Variants in PARD3B observed in about 807,000 individuals in gnomAD.
PARD3B encodes partitioning defective 3 homolog B.
Under a neutral mutation model 130.2 loss-of-function variants are expected in PARD3B, and 103 were observed. The ratio of observed to expected loss-of-function variants is 0.79; its 90% CI spans 0.67 to 0.93. PARD3B has a LOEUF of 0.93. Ranked by LOEUF, PARD3B falls within the 40% of genes least tolerant of loss-of-function variation. PARD3B has a pLI of 0.00. For missense variants in PARD3B, 1,609 were observed against 1,499.2 expected (o/e 1.07, Z -1.21); for synonymous variants, 583 against 553.2 (o/e 1.05, Z -0.76).
Position 205,253,917 on chromosome 2 carries a change from GA to G in PARD3B, c.2185+8096del, listed in dbSNP as rs1331106456. 6.6e-6 allele frequency among the ~76,000 whole-genome samples: 1 copy of G among 152,076 alleles called. No homozygotes were observed. The highest frequency in any genetic ancestry group is 1.9e-4 in the East Asian group (1 of 5,160). Reference sequence around the variant, plus strand: ...AGAAAACAAAAACAAAAACACCACAGAGGTGGTTTGAAAGAAGAGGTTGGGT... The same window carrying G: ...AGAAAACAAAAACAAAAACACCACAGGGTGGTTTGAAAGAAGAGGTTGGGT... On this transcript the variant is annotated intron_variant, in intron 16 of 22. Coordinates refer to ENST00000406610, the MANE Select transcript of PARD3B (RefSeq NM_001302769.2). This position sits in a 1 kb window ranked among gnomAD's most constrained non-coding sequence, Gnocchi z 4.4.
At chr2:205,490,891 T>C (rs1165728145) in intron 20 of PARD3B, among the ~76,000 whole-genome samples, 2 of 152,210 alleles carry the variant, frequency 1.3e-5, no homozygotes, top group Non-Finnish European at 2.9e-5. Context: ...TCATGTGTCT[T>C]TTGGCTGAAT....
At chr2:205,457,195 ATGT>A in intron 20 of PARD3B, among the ~76,000 whole-genome samples, 1 of 152,002 alleles carries the variant, frequency 6.6e-6, no homozygotes, top group Non-Finnish European at 1.5e-5. Context: ...AAATTATATC[ATGT>A]TGTATGAGTT....
chr2:205,387,277 G>T (rs2045694448), intron 18 of PARD3B, among the ~76,000 whole-genome samples: 1 of 152,014 alleles, frequency 6.6e-6, no homozygotes, highest in Admixed American at 6.6e-5. Context: ...CTTCTGATTT[G>T]GGTCCATTAA....
intron 1 of PARD3B, among the ~76,000 whole-genome samples, chr2:204,639,377 G>T (rs1446033468): frequency 2.0e-5 from 3 of 152,040 alleles, no homozygotes; most frequent in African/African-American, 7.2e-5. Flanking sequence ...AATAACTTTT[G>T]TTCAGGTACT....
chr2:204,828,863 A>G (rs975646651), intron 2 of PARD3B, among the ~76,000 whole-genome samples: 1 of 152,158 alleles, frequency 6.6e-6, no homozygotes, highest in Non-Finnish European at 1.5e-5. Flanking sequence ...AATCCTTATC[A>G]TGGAATATGA....
chr2:205,555,557 A>T (rs2052844445), intron 22 of PARD3B, among the ~76,000 whole-genome samples: 1 of 152,246 alleles, frequency 6.6e-6, no homozygotes, highest in Non-Finnish European at 1.5e-5. Context: ...TCTGTCAAAG[A>T]TAATACATTT....
At chr2:204,915,098 C>CT (rs150689992) in intron 2 of PARD3B, among the ~76,000 whole-genome samples, 1 of 152,246 alleles carries the variant, frequency 6.6e-6, no homozygotes, top group Non-Finnish European at 1.5e-5. Flanking sequence ...TACTGTACCT[C>CT]TAAGAGGATG....
chr2:205,613,437 T>C (rs16837479), intron 22 of PARD3B, among the ~76,000 whole-genome samples: 3,294 of 152,310 alleles, frequency 0.022, 130 homozygotes, highest in African/African-American at 0.073. Flanking sequence ...TAAAGAATTC[T>C]TATGATAAAA....
In PARD3B at chr2:205,127,140, T is replaced by A. The variant is rs1287298607; in HGVS notation, c.1434+1403T>A. On this transcript the variant is annotated intron_variant, in intron 10 of 22. Coordinates refer to ENST00000406610, the MANE Select transcript of PARD3B (RefSeq NM_001302769.2). ...GTGAAACCCCGTCTCTACTAAAAAA[T>A]ACAAAAAGTAGCCAGGCATGGTGGC... is the stretch of plus-strand genomic sequence containing the variant. Among the ~76,000 whole-genome samples the A allele has an allele frequency of 6.6e-5, 10 of 151,136 alleles. No homozygotes were observed. In the South Asian group the frequency reaches 1.5e-3, roughly 22 times the overall value.
At chr2:205,239,366 T>C (rs1233937901) in intron 15 of PARD3B, among the ~76,000 whole-genome samples, 2 of 152,204 alleles carry the variant, frequency 1.3e-5, no homozygotes, top group Admixed American at 1.3e-4. Context: ...CCTTCCACTC[T>C]TCCTGAAGCA....
At chr2:205,254,960 G>T (rs542828879) in intron 16 of PARD3B, among the ~76,000 whole-genome samples, 6 of 151,952 alleles carry the variant, frequency 3.9e-5, no homozygotes, top group Non-Finnish European at 8.8e-5. Context: ...CACCGCGCCC[G>T]GCCGAAGTTC....
At chr2:205,012,371 TGATA>T (rs1695784636) in intron 3 of PARD3B, among the ~76,000 whole-genome samples, 2 of 152,166 alleles carry the variant, frequency 1.3e-5, no homozygotes, top group South Asian at 4.1e-4. Flanking sequence ...ATACATATCC[TGATA>T]GATAGTATTT....
At chr2:205,282,338 A>G (rs1406271381) in intron 16 of PARD3B, among the ~76,000 whole-genome samples, 1 of 151,898 alleles carries the variant, frequency 6.6e-6, no homozygotes, top group Non-Finnish European at 1.5e-5. Context: ...GAGCATCCTT[A>G]TACTACCTAT....
At position 205,291,742 on chromosome 2, in the gene PARD3B, T is replaced by G. The variant is rs1273367351; in HGVS notation, c.2186-8788T>G. ...TGTCCATCAAAAAGGAAGCAGAGCTTAAAGACTTAGGTAATTCTCAGCCTA... is the reference window on the plus strand; with the variant it reads ...TGTCCATCAAAAAGGAAGCAGAGCTGAAAGACTTAGGTAATTCTCAGCCTA... On this transcript the variant is annotated intron_variant, in intron 16 of 22. Transcript: ENST00000406610. This position sits in a 1 kb window ranked among gnomAD's most constrained non-coding sequence, Gnocchi z 4.6. 6.6e-6 allele frequency among the ~76,000 whole-genome samples: 1 copy of G among 152,150 alleles called. No homozygotes were observed. The highest frequency in any genetic ancestry group is 1.5e-5 in the Non-Finnish European group (1 of 68,002).
chr2:205,013,281 G>A (rs925539715), intron 3 of PARD3B, among the ~76,000 whole-genome samples: 16 of 152,084 alleles, frequency 1.1e-4, no homozygotes, highest in South Asian at 4.1e-4. Flanking sequence ...TCTTTTGTTC[G>A]TCTGTCTTCT....
At chr2:204,919,335 A>T (rs962068245) in intron 2 of PARD3B, among the ~76,000 whole-genome samples, 1 of 152,192 alleles carries the variant, frequency 6.6e-6, no homozygotes, top group African/African-American at 2.4e-5. Flanking sequence ...TATCTGTGTC[A>T]TGTAAACTCC....
chr2:204,899,657 A>G (rs1186768122), intron 2 of PARD3B, among the ~76,000 whole-genome samples: 1 of 152,196 alleles, frequency 6.6e-6, no homozygotes, highest in African/African-American at 2.4e-5. Flanking sequence ...GTCACACAAC[A>G]TAATTACAGT....
rs2035889666 is a variant in PARD3B, at chr2:205,183,197, C to A, written c.1925-2567C>A. On this transcript the variant is annotated intron_variant, in intron 13 of 22. Transcript: ENST00000406610. This position sits in a 1 kb window ranked among gnomAD's most constrained non-coding sequence, Gnocchi z 5.2. ...GCAAAGATACTGAGGCAGGAACACC[C>A]AGGGGTGTTGGCAGGGAATGGTAAG... Among the ~76,000 whole-genome samples the A allele has an allele frequency of 1.3e-5, 2 of 152,260 alleles. 1 individual carries two copies. Among genetic ancestry groups the A allele is most frequent in the Middle Eastern group, 6.8e-3 (2 of 294 alleles).
chr2:205,081,179 A>G (rs1701383491), intron 4 of PARD3B, among the ~76,000 whole-genome samples: 2 of 152,018 alleles, frequency 1.3e-5, no homozygotes, highest in Admixed American at 1.3e-4. Flanking sequence ...TTCTGTTAAT[A>G]TATCTTTCCC....
Sources: gnomAD v4.1 joint callset for allele counts (sites outside exome capture counted in the v4.1 genomes callset) on GRCh38, gnomAD v4.1.1 for gene constraint, Gnocchi (gnomAD v3.1) non-coding constraint, MANE v1.5 for transcripts, NCBI Gene and HGNC (gene_info 2026-07-23, HGNC 2026-07-21) for gene names.